GPATCH2: variants seen among roughly 807,000 people sequenced by gnomAD.
GPATCH2 encodes the protein G-patch domain containing 2, also known as G patch domain-containing protein 2.
A neutral mutation model predicts 58.0 loss-of-function variants in GPATCH2; 51 were observed. That is an observed-to-expected ratio of 0.88 (90% CI 0.70 to 1.11). The LOEUF is 1.11. Ranked by LOEUF, GPATCH2 falls within the 50% of genes most tolerant of loss-of-function variation. The pLI, the probability that GPATCH2 is intolerant of heterozygous loss-of-function variation, is 0.00. For missense variants in GPATCH2, 625 were observed against 652.2 expected (o/e 0.96, Z 0.45); for synonymous variants, 222 against 218.5 (o/e 1.02, Z -0.14).
At chr1:217,435,148 C>A (rs1658751929) in intron 9 of GPATCH2, among the ~76,000 whole-genome samples, 1 of 152,172 alleles carries the variant, frequency 6.6e-6, no homozygotes, top group East Asian at 1.9e-4. Flanking sequence ...TACACCACAA[C>A]CATAATTTCC....
chr1:217,498,169 T>C, intron 7 of GPATCH2, 187 bp downstream of exon 7: 3 of 694,728 alleles, frequency 4.3e-6, no homozygotes, highest in Non-Finnish European at 7.8e-6. Context: ...GAAAGAAAAC[T>C]CTCATGCTGA....
At chr1:217,623,491 AAT>A (rs1389082080) in intron 1 of GPATCH2, among the ~76,000 whole-genome samples, 3 of 151,884 alleles carry the variant, frequency 2.0e-5, no homozygotes, top group African/African-American at 7.2e-5. Context: ...ATTTCTTAGT[AAT>A]AGAAATTTCA....
chr1:217,613,455 G>A (rs961469923), intron 3 of GPATCH2, among the ~76,000 whole-genome samples: 1 of 152,018 alleles, frequency 6.6e-6, no homozygotes, highest in African/African-American at 2.4e-5. Context: ...ATTTGTGATA[G>A]GTATCTGTAT....
chr1:217,516,513 A>C (rs1663160038), intron 5 of GPATCH2, among the ~76,000 whole-genome samples: 1 of 152,170 alleles, frequency 6.6e-6, no homozygotes, highest in African/African-American at 2.4e-5. Context: ...TCATCTCAAA[A>C]TGAGGTTTTC....
At chr1:217,533,990 C>A (rs1214994731) in intron 5 of GPATCH2, among the ~76,000 whole-genome samples, 2 of 152,030 alleles carry the variant, frequency 1.3e-5, no homozygotes, top group African/African-American at 4.8e-5. Context: ...CCAAGGTGGG[C>A]AGATCACCTG....
intron 5 of GPATCH2, among the ~76,000 whole-genome samples, chr1:217,533,528 C>A (rs561370205): frequency 6.6e-6 from 1 of 152,186 alleles, no homozygotes; most frequent in Non-Finnish European, 1.5e-5. Flanking sequence ...GAAGCATTGC[C>A]ACATGCCGTG....
chr1:217,584,031 A>G (rs1481416719), intron 5 of GPATCH2, among the ~76,000 whole-genome samples: 1 of 152,080 alleles, frequency 6.6e-6, no homozygotes, highest in Non-Finnish European at 1.5e-5. Context: ...TGGAAGAAAA[A>G]TGATCCTGCA....
intron 5 of GPATCH2, among the ~76,000 whole-genome samples, chr1:217,524,729 C>T (rs1010391992): frequency 2.7e-5 from 4 of 150,402 alleles, no homozygotes; most frequent in Admixed American, 6.6e-5. Flanking sequence ...GGCGTGGCAG[C>T]GCGCACCTGC....
rs1467641819 is a variant in GPATCH2, at chr1:217,429,772, G to C, written c.*1373C>G. The stretch of plus-strand genomic sequence containing the variant: ...GAACCCAGGAGGGGGAGGCTGCAGT[G>C]AGCCGAGAGTGCGCCACTGCACTCC... On this transcript the variant is annotated 3_prime_UTR_variant, in exon 10 of 10. Transcript: ENST00000366935. The C allele has an allele frequency of 3.4e-5, 5 of 147,680 alleles. No homozygotes were observed. Among genetic ancestry groups the C allele is most frequent in the Non-Finnish European group, 5.9e-5 (4 of 67,362 alleles). 9.1% of individuals were successfully genotyped at this position (147,680 alleles called of 1,614,324 possible).
intron 5 of GPATCH2, among the ~76,000 whole-genome samples, chr1:217,584,344 A>AAAAAAAAAAAAATATATATATATATAT (rs1463910405): frequency 2.0e-5 from 2 of 101,854 alleles, no homozygotes; most frequent in African/African-American, 6.8e-5. Context: ...AAAAAAAAAA[A>AAAAAAAAAAAAATATATATATATATAT]ATATATATAT....
chr1:217,458,595 T>A (rs1660064141), intron 8 of GPATCH2, among the ~76,000 whole-genome samples: 1 of 152,182 alleles, frequency 6.6e-6, no homozygotes, highest in Admixed American at 6.5e-5. Flanking sequence ...CCTTTAGATT[T>A]TTTTTCTTAA....
In GPATCH2 at chr1:217,570,323, G is replaced by A. The variant is rs185265386; in HGVS notation, c.1098+39998C>T. ...AGATGGGGTTTCACCATGTTGACCA[G>A]GCTGGTCTTGAATTCCTGACCGCAA... On this transcript the variant is annotated intron_variant, in intron 5 of 9. Transcript: ENST00000366935. 9.3e-4 allele frequency among the ~76,000 whole-genome samples: 141 copies of A among 152,136 alleles called. 3 individuals are homozygous for A. The East Asian group carries it at 0.019, about 20-fold the overall frequency.
chr1:217,489,415 A>G (rs998320688), intron 8 of GPATCH2, among the ~76,000 whole-genome samples: 4 of 152,236 alleles, frequency 2.6e-5, no homozygotes, highest in African/African-American at 9.6e-5. Context: ...AATGAAGTAG[A>G]CATCTTAAAC....
At chr1:217,597,070 C>T (rs928158764) in intron 5 of GPATCH2, among the ~76,000 whole-genome samples, 1 of 151,846 alleles carries the variant, frequency 6.6e-6, no homozygotes, top group Non-Finnish European at 1.5e-5. Context: ...GGCTCATACC[C>T]GTAATCCCAG....
At position 217,631,073 on chromosome 1, in the gene GPATCH2, G is replaced by A. The variant is rs1157768816; in HGVS notation, c.-102C>T. ...AAAGAGCAGTTCAGCATTTTGAGAT[G>A]AGCTTCCGGAAGCCGACAGGCGGCG... On this transcript the variant is annotated 5_prime_UTR_variant, in exon 1 of 10. Transcript: ENST00000366935. 8 of 1,158,380 alleles carry A rather than the reference G, an allele frequency of 6.9e-6. 1 individual carries two copies. Among genetic ancestry groups the A allele is most frequent in the South Asian group, 5.5e-5 (4 of 72,278 alleles). 71.8% of individuals were successfully genotyped at this position (1,158,380 alleles called of 1,614,324 possible). A position where few individuals can be genotyped will look rare whatever the true frequency, so the allele number is the denominator to read the frequency against.
intron 5 of GPATCH2, among the ~76,000 whole-genome samples, chr1:217,543,181 A>G (rs1664840406): frequency 1.3e-5 from 2 of 152,002 alleles, no homozygotes; most frequent in Admixed American, 6.5e-5. Flanking sequence ...CATTTAGTAC[A>G]GAGTAGTGGC....
intron 5 of GPATCH2, among the ~76,000 whole-genome samples, chr1:217,561,697 A>C (rs1665933569): frequency 6.6e-6 from 1 of 152,222 alleles, no homozygotes; most frequent in East Asian, 1.9e-4. Context: ...TGGCTCACTG[A>C]AAGTCTGAGT....
At chr1:217,491,007 T>A (rs1018581151) in intron 8 of GPATCH2, among the ~76,000 whole-genome samples, 4 of 152,200 alleles carry the variant, frequency 2.6e-5, no homozygotes, top group Non-Finnish European at 5.9e-5. Context: ...ACACTAGCAC[T>A]GGGAAGCCAT....
chr1:217,473,862 G>A (rs750450147), intron 8 of GPATCH2, among the ~76,000 whole-genome samples: 1 of 151,960 alleles, frequency 6.6e-6, no homozygotes, highest in Non-Finnish European at 1.5e-5. Flanking sequence ...TCTACTTTAC[G>A]ATAAGGACAC....
Sources: gnomAD v4.1 joint callset for allele counts (sites outside exome capture counted in the v4.1 genomes callset) on GRCh38, gnomAD v4.1.1 for gene constraint, MANE v1.5 for transcripts, NCBI Gene and HGNC (gene_info 2026-07-23, HGNC 2026-07-21) for gene names.